The following ARID1B variants were observed in gnomAD, a reference collection of about 807,000 sequenced individuals.
ARID1B encodes AT-rich interaction domain 1B.
ARID1B carries 30 observed loss-of-function variants against 212.3 expected under a neutral mutation model. The ratio of observed to expected loss-of-function variants is 0.14; its 90% CI spans 0.11 to 0.19. The LOEUF (loss-of-function observed/expected upper bound fraction) is 0.19, where lower values mean the gene tolerates loss of function less well. Ranked by LOEUF, ARID1B falls within the 10% of genes least tolerant of loss-of-function variation. The pLI is 1.00. For synonymous variants in ARID1B, 1,402 were observed against 1,301.7 expected (o/e 1.08, Z -1.66); for missense variants, 2,891 against 3,204.0 (o/e 0.90, Z 2.36).
intron 5 of ARID1B, among the ~76,000 whole-genome samples, chr6:157,095,764 A>G (rs1202016475): frequency 6.6e-6 from 1 of 152,244 alleles, no homozygotes. Context: ...AGTTAGCAGC[A>G]GACTTCCTCA....
chr6:156,980,339 C>A (rs1054504350), intron 4 of ARID1B, among the ~76,000 whole-genome samples: 18 of 151,904 alleles, frequency 1.2e-4, no homozygotes, highest in Non-Finnish European at 4.4e-5. Context: ...AAAAATTAGC[C>A]GGGCGTGGTG....
intron 4 of ARID1B, among the ~76,000 whole-genome samples, chr6:157,007,120 A>G (rs1439233144): frequency 2.6e-5 from 4 of 152,232 alleles, no homozygotes; most frequent in African/African-American, 7.2e-5. Flanking sequence ...TTATTTAGGC[A>G]ACTGAAAAAT....
intron 6 of ARID1B, among the ~76,000 whole-genome samples, chr6:157,112,169 T>G (rs1786970255): frequency 6.6e-6 from 1 of 151,130 alleles, no homozygotes; most frequent in African/African-American, 2.4e-5. Context: ...AAAATAGATT[T>G]TAATAATTGT....
At chr6:157,191,522 T>G (rs1256562110) in intron 15 of ARID1B, among the ~76,000 whole-genome samples, 1 of 152,014 alleles carries the variant, frequency 6.6e-6, no homozygotes, top group African/African-American at 2.4e-5. Context: ...ATGAGATCCT[T>G]GAGACAGAGA....
At chr6:156,856,295 C>T (rs1005230704) in intron 2 of ARID1B, among the ~76,000 whole-genome samples, 1 of 152,128 alleles carries the variant, frequency 6.6e-6, no homozygotes. Context: ...ATGTGGTGAC[C>T]ATATAGCCTA....
Position 156,862,235 on chromosome 6 carries a change from G to A in ARID1B, c.1986+32814G>A, listed in dbSNP as rs568133832. Among the ~76,000 whole-genome samples the A allele has an allele frequency of 4.0e-4, 61 of 152,316 alleles. 1 individual carries two copies. The highest frequency in any genetic ancestry group is 1.4e-3 in the African/African-American group (58 of 41,566). On this transcript the variant is annotated intron_variant, in intron 2 of 19. Transcript: ENST00000636930. ...TGGTTCTGTTCTGGGCTTTCCATTG[G>A]AATTGGTTGGGGAGCCTTAACAAAT... is the stretch of plus-strand genomic sequence containing the variant.
chr6:157,133,327 C>T (rs1788683310), intron 7 of ARID1B, 120 bp downstream of exon 7: 1 of 1,202,778 alleles, frequency 8.3e-7, no homozygotes, highest in African/African-American at 1.5e-5. Flanking sequence ...TGTTACCTGA[C>T]AGGTTTGTGA....
chr6:156,964,444 C>T (rs1794604802), intron 4 of ARID1B, among the ~76,000 whole-genome samples: 1 of 152,162 alleles, frequency 6.6e-6, no homozygotes, highest in Admixed American at 6.5e-5. Flanking sequence ...GAAAAAAAGT[C>T]CCGTCATCCC....
intron 4 of ARID1B, among the ~76,000 whole-genome samples, chr6:157,001,945 C>T (rs1778939402): frequency 6.6e-6 from 1 of 152,198 alleles, no homozygotes; most frequent in African/African-American, 2.4e-5. Flanking sequence ...TGCTCGTTTC[C>T]AGAGGTGCCT....
intron 4 of ARID1B, among the ~76,000 whole-genome samples, chr6:156,986,712 C>T (rs1447172376): frequency 1.3e-5 from 2 of 152,188 alleles, no homozygotes; most frequent in African/African-American, 4.8e-5. Context: ...TACTTCTACA[C>T]AGACTACAGT....
At chr6:156,923,587 A>G (rs1419674768) in intron 3 of ARID1B, among the ~76,000 whole-genome samples, 1 of 152,152 alleles carries the variant, frequency 6.6e-6, no homozygotes, top group Non-Finnish European at 1.5e-5. Flanking sequence ...TGTATGAGTA[A>G]AGCACTTAGG....
At chr6:157,014,242 T>C (rs944556074) in intron 4 of ARID1B, among the ~76,000 whole-genome samples, 1 of 152,214 alleles carries the variant, frequency 6.6e-6, no homozygotes, top group Non-Finnish European at 1.5e-5. Flanking sequence ...GTGTGTCCAT[T>C]ATTAGAATTG....
intron 4 of ARID1B, among the ~76,000 whole-genome samples, chr6:157,076,316 GT>G (rs10640061): frequency 6.7e-6 from 1 of 148,620 alleles, no homozygotes; most frequent in Non-Finnish European, 1.5e-5. Flanking sequence ...TGTTTGTTTT[GT>G]TTTTTTTTCC....
intron 8 of ARID1B, among the ~76,000 whole-genome samples, chr6:157,159,445 G>A (rs940557606): frequency 2.0e-5 from 3 of 152,184 alleles, no homozygotes; most frequent in Non-Finnish European, 4.4e-5. Context: ...AGCTGCTTTA[G>A]GAACAACTAA....
chr6:157,084,710 T>G lies in ARID1B; in HGVS notation c.2296T>G (p.Leu766Val), dbSNP rs1301806171. The G allele has an allele frequency of 2.5e-6, 4 of 1,614,160 alleles. No homozygotes were observed. In the South Asian group the frequency reaches 4.4e-5, roughly 18 times the overall value. Reference sequence around the variant, plus strand: ...CCTCCCCACGGGAACGGAAGCAACTTTGAGCTCAGCAGTCAGTGCATCCGG... The same window carrying G: ...CCTCCCCACGGGAACGGAAGCAACTGTGAGCTCAGCAGTCAGTGCATCCGG... ...DDLPTGTEAT[L>V]SSAVSASGST... The change falls in exon 5 of 20, where the codon TTG becomes GTG. Residue 766 changes from leucine to valine, a missense_variant. Coordinates refer to ENST00000636930, the MANE Select transcript of ARID1B (RefSeq NM_001374828.1).
Position 157,055,835 on chromosome 6 carries a change from C to T in ARID1B, c.2248-28827C>T, listed in dbSNP as rs367596085. Reference sequence around the variant, plus strand: ...GCTCACCCGTTGGCAGAATTTACTTCCCTGTGGCTGGAGTTCTAAGGTTCC... The same window carrying T: ...GCTCACCCGTTGGCAGAATTTACTTTCCTGTGGCTGGAGTTCTAAGGTTCC... On this transcript the variant is annotated intron_variant, in intron 4 of 19. Coordinates refer to ENST00000636930, the MANE Select transcript of ARID1B (RefSeq NM_001374828.1). 3.3e-5 allele frequency among the ~76,000 whole-genome samples: 5 copies of T among 152,246 alleles called. No individual in the cohort carries two copies. The South Asian group carries it at 1.0e-3, about 32-fold the overall frequency.
At chr6:156,877,665 G>A (rs1786670194) in intron 2 of ARID1B, among the ~76,000 whole-genome samples, 1 of 151,766 alleles carries the variant, frequency 6.6e-6, no homozygotes, top group South Asian at 2.1e-4. Flanking sequence ...CTGAAAGTTG[G>A]GTCCATGCCA....
At chr6:157,126,546 G>A (rs1427542084) in intron 6 of ARID1B, among the ~76,000 whole-genome samples, 2 of 152,108 alleles carry the variant, frequency 1.3e-5, no homozygotes, top group Non-Finnish European at 2.9e-5. Flanking sequence ...AGCATACAGC[G>A]CAGGACTCAA....
At chr6:157,098,061 T>G (rs1378983823) in intron 5 of ARID1B, among the ~76,000 whole-genome samples, 1 of 152,066 alleles carries the variant, frequency 6.6e-6, no homozygotes, top group Non-Finnish European at 1.5e-5. Flanking sequence ...AATATTAAGC[T>G]TCTCAAACAA....
Sources: gnomAD v4.1 joint callset for allele counts (sites outside exome capture counted in the v4.1 genomes callset) on GRCh38, gnomAD v4.1.1 for gene constraint, MANE v1.5 for transcripts, NCBI Gene and HGNC (gene_info 2026-07-23, HGNC 2026-07-21) for gene names.